DLG2: variants seen among roughly 807,000 people sequenced by gnomAD.
The protein encoded by DLG2 is discs large MAGUK scaffold protein 2, also known as disks large homolog 2.
In DLG2, 45 loss-of-function variants were observed where a neutral mutation model predicts 132.5. The ratio of observed to expected loss-of-function variants is 0.34; its 90% CI spans 0.27 to 0.44. The LOEUF is 0.44. Ranked by LOEUF, DLG2 falls within the 20% of genes least tolerant of loss-of-function variation. DLG2 has a pLI of 1.00. For missense variants in DLG2, 1,045 were observed against 1,196.9 expected, an observed-to-expected ratio of 0.87 and a Z score of 1.87; for synonymous variants, 424 against 419.6, an observed-to-expected ratio of 1.01 and a Z score of -0.13.
chr11:84,923,189 C>CTGGCA, intron 6 of DLG2: 1 of 1,609,318 alleles, frequency 6.2e-7, no homozygotes, highest in Non-Finnish European at 8.5e-7. Flanking sequence ...ACACACGATC[C>CTGGCA]TGGGCATGTG....
intron 18 of DLG2, among the ~76,000 whole-genome samples, chr11:83,699,185 A>T (rs764324186): frequency 6.8e-6 from 1 of 147,008 alleles, no homozygotes; most frequent in Non-Finnish European, 1.5e-5. Flanking sequence ...AATATATCAC[A>T]TGAGTTAAAA....
At chr11:85,157,592 A>C (rs1483619879) in intron 4 of DLG2, among the ~76,000 whole-genome samples, 2 of 152,210 alleles carry the variant, frequency 1.3e-5, no homozygotes, top group African/African-American at 4.8e-5. Flanking sequence ...TTCAGTGGAC[A>C]AAGTGATGAA....
intron 6 of DLG2, among the ~76,000 whole-genome samples, chr11:84,550,817 C>G (rs751164119): frequency 5.9e-4 from 90 of 152,152 alleles, no homozygotes; most frequent in Non-Finnish European, 9.7e-4. Flanking sequence ...GCTAGAAATA[C>G]AGTAGTTTAA....
intron 18 of DLG2, among the ~76,000 whole-genome samples, chr11:83,690,929 G>A (rs1472074187): frequency 7.9e-5 from 12 of 152,164 alleles, no homozygotes; most frequent in Non-Finnish European, 1.5e-5. Flanking sequence ...GTCTATGGCT[G>A]CTTTTGCACT....
At chr11:85,310,041 G>A (rs1054967016) in intron 3 of DLG2, among the ~76,000 whole-genome samples, 1 of 152,134 alleles carries the variant, frequency 6.6e-6, no homozygotes, top group Non-Finnish European at 1.5e-5. Context: ...GGTTTGAAGG[G>A]AACACTGCAT....
chr11:83,681,936 G>A (rs2078893835), intron 18 of DLG2: 1 of 163,868 alleles, frequency 6.1e-6, no homozygotes, highest in Non-Finnish European at 1.3e-5. Context: ...AGAAACTTTA[G>A]CAACCAAAGA....
chr11:83,674,170 G>A (rs1204766431), intron 18 of DLG2, among the ~76,000 whole-genome samples: 1 of 152,232 alleles, frequency 6.6e-6, no homozygotes, highest in Non-Finnish European at 1.5e-5. Context: ...TCATGGAGAT[G>A]TGTGAGAGTC....
chr11:84,569,683 G>A (rs2099472689), intron 6 of DLG2, among the ~76,000 whole-genome samples: 1 of 152,156 alleles, frequency 6.6e-6, no homozygotes, highest in South Asian at 2.1e-4. Flanking sequence ...TGAGAAGAGA[G>A]GTTATATTGC....
rs191578500 is a variant in DLG2, at chr11:84,792,645, A to C, written c.358-257914T>G. 2.5e-4 allele frequency among the ~76,000 whole-genome samples: 38 copies of C among 152,158 alleles called. 1 individual carries two copies. The highest frequency in any genetic ancestry group is 6.8e-3 in the Middle Eastern group (2 of 294). ...GTTTTGGATTTCTTAATAGTTCAAT[A>C]TTGGTAGGTTCTATGTGTCTAGGAA... is the stretch of plus-strand genomic sequence containing the variant. On this transcript the variant is annotated intron_variant, in intron 6 of 27. Coordinates refer to ENST00000376104, the MANE Select transcript of DLG2 (RefSeq NM_001142699.3).
At position 84,548,395 on chromosome 11, in the gene DLG2, C is replaced by T. The variant is rs7939254; in HGVS notation, c.358-13664G>A. On this transcript the variant is annotated intron_variant, in intron 6 of 27. Transcript: ENST00000376104. ...CTGCACCCAGTAACTCATCATTTAA[C>T]GTTAGGTATATCTCCCAATGCTATC... is the stretch of plus-strand genomic sequence containing the variant. Among the ~76,000 whole-genome samples, 1,227 of 152,016 alleles carry T rather than the reference C, an allele frequency of 8.1e-3. 22 individuals are homozygous for T. The highest frequency in any genetic ancestry group is 0.025 in the African/African-American group (1,050 of 41,452).
chr11:84,879,361 G>A (rs2154052723), intron 6 of DLG2, among the ~76,000 whole-genome samples: 1 of 152,250 alleles, frequency 6.6e-6, no homozygotes, highest in East Asian at 1.9e-4. Context: ...AGAAATATAA[G>A]ATAATTCTTG....
chr11:84,367,327 C>T lies in DLG2; in HGVS notation c.520-116036G>A, dbSNP rs1046784004. Among the ~76,000 whole-genome samples, 10 of 152,170 alleles carry T rather than the reference C, an allele frequency of 6.6e-5. 1 individual carries two copies. Among genetic ancestry groups the T allele is most frequent in the Admixed American group, 2.6e-4 (4 of 15,252 alleles). ...ACTACTCAATTCTGCCACTGTAGCACGAAAGCAGCCACAGATGATACAGAA... is the reference window on the plus strand; with the variant it reads ...ACTACTCAATTCTGCCACTGTAGCATGAAAGCAGCCACAGATGATACAGAA... On this transcript the variant is annotated intron_variant, in intron 7 of 27. Transcript: ENST00000376104.
chr11:85,174,249 A>G (rs924168137), intron 4 of DLG2, among the ~76,000 whole-genome samples: 1 of 152,184 alleles, frequency 6.6e-6, no homozygotes, highest in Non-Finnish European at 1.5e-5. Flanking sequence ...AATGCCTAAG[A>G]GGCGAAATAA....
At chr11:84,193,242 A>AC (rs1476594791) in intron 8 of DLG2, among the ~76,000 whole-genome samples, 1 of 152,214 alleles carries the variant, frequency 6.6e-6, no homozygotes, top group Admixed American at 6.5e-5. Context: ...AACATTCACT[A>AC]CAATCATGGA....
chr11:83,948,585 A>C (rs577882360), intron 14 of DLG2, among the ~76,000 whole-genome samples: 1 of 148,368 alleles, frequency 6.7e-6, no homozygotes, highest in African/African-American at 2.5e-5. Context: ...AGAAATCTTA[A>C]AGTTAATAAT....
intron 11 of DLG2, among the ~76,000 whole-genome samples, chr11:84,055,141 GTTCCCTCTGTCCTCAGAGA>G (rs2096475513): frequency 6.6e-6 from 1 of 152,022 alleles, no homozygotes; most frequent in Middle Eastern, 3.4e-3. Context: ...CACATCAGAG[GTTCCCTCTGTCCTCAGAGA>G]TTCCTTCATA....
intron 6 of DLG2, among the ~76,000 whole-genome samples, chr11:84,822,960 G>A (rs1349618595): frequency 2.0e-5 from 3 of 151,842 alleles, no homozygotes; most frequent in Non-Finnish European, 4.4e-5. Flanking sequence ...ATATTTAAAA[G>A]TAGTTTTGAT....
chr11:84,245,425 T>C (rs1271939487), intron 8 of DLG2, among the ~76,000 whole-genome samples: 1 of 152,192 alleles, frequency 6.6e-6, no homozygotes, highest in Non-Finnish European at 1.5e-5. Flanking sequence ...ATGGGGGATA[T>C]ACTACTAAGG....
intron 6 of DLG2, among the ~76,000 whole-genome samples, chr11:84,711,858 A>G (rs1270913693): frequency 6.6e-6 from 1 of 152,058 alleles, no homozygotes; most frequent in Non-Finnish European, 1.5e-5. Flanking sequence ...AAGGTGACAC[A>G]TAAAGTTAAC....
Sources: gnomAD v4.1 joint callset for allele counts (sites outside exome capture counted in the v4.1 genomes callset) on GRCh38, gnomAD v4.1.1 for gene constraint, MANE v1.5 for transcripts, NCBI Gene and HGNC (gene_info 2026-07-23, HGNC 2026-07-21) for gene names.